Variants in DCP2 observed in about 807,000 individuals in gnomAD.
DCP2 encodes decapping mRNA 2.
A neutral mutation model predicts 56.1 loss-of-function variants in DCP2; 30 were observed. The observed-to-expected ratio is 0.53, with a 90% CI of 0.40 to 0.73. The LOEUF is 0.73. DCP2 is among the 30% of genes least tolerant of loss of function. DCP2 has a pLI of 0.00. For missense variants in DCP2, 533 were observed against 502.7 expected (o/e 1.06, Z -0.58); for synonymous variants, 197 against 163.3 (o/e 1.21, Z -1.57).
intron 2 of DCP2, 23 bp downstream of exon 2, chr5:112,986,009 G>T (rs1292525779): frequency 4.7e-6 from 7 of 1,495,676 alleles, no homozygotes; most frequent in South Asian, 1.4e-5. Flanking sequence ...TTACTATAAT[G>T]ACTGACTTTC....
At chr5:112,993,390 C>T (rs1241025589) in intron 4 of DCP2, among the ~76,000 whole-genome samples, 2 of 151,924 alleles carry the variant, frequency 1.3e-5, no homozygotes, top group Non-Finnish European at 1.5e-5. Flanking sequence ...TATGGGAGGC[C>T]GAGTCAGGCG....
At position 113,008,057 on chromosome 5, in the gene DCP2, T is replaced by TAAGTAGTGTGACCTACTTA. The variant is rs1201993269; in HGVS notation, c.1047+15_1047+16insAAGTAGTGTGACCTACTTA. On this transcript the variant is annotated intron_variant, in intron 9 of 10. Transcript: ENST00000389063. Reference sequence around the variant, plus strand: ...ATTCTTTGATGGTAAGAGTTATAGCTGTCACACTAAGTAGGCAGTTCATCC... The same window carrying TAAGTAGTGTGACCTACTTA: ...ATTCTTTGATGGTAAGAGTTATAGCTAAGTAGTGTGACCTACTTAGTCACACTAAGTAGGCAGTTCATCC... 1 of 1,602,332 alleles carries TAAGTAGTGTGACCTACTTA rather than the reference T, an allele frequency of 6.2e-7. No homozygotes were observed. The highest frequency in any genetic ancestry group is 1.7e-5 in the Admixed American group (1 of 59,606).
rs374450646 is a variant in DCP2 at position 112,992,923 on chromosome 5, GTTGA to G, written c.432+157_432+160del. Among the ~76,000 whole-genome samples the G allele has an allele frequency of 1.3e-3, 198 of 147,672 alleles. 1 individual carries two copies. Among genetic ancestry groups the G allele is most frequent in the African/African-American group, 4.8e-3 (192 of 39,996 alleles). ...TTACTTTTTTTTTTTTTAAATCACT[GTTGA>G]TTGTTTTATCCACATCTCTTTTCAT... is the stretch of plus-strand genomic sequence containing the variant. On this transcript the variant is annotated intron_variant, in intron 4 of 10. Transcript: ENST00000389063.
chr5:112,996,969 G>A (rs1205937736), intron 4 of DCP2, among the ~76,000 whole-genome samples: 1 of 152,206 alleles, frequency 6.6e-6, no homozygotes, highest in African/African-American at 2.4e-5. Flanking sequence ...AGACAGAAAA[G>A]AGCTGAGGAA....
chr5:113,010,377 T>A (rs1057317200), intron 9 of DCP2, among the ~76,000 whole-genome samples: 6 of 152,054 alleles, frequency 3.9e-5, no homozygotes, highest in African/African-American at 1.2e-4. Flanking sequence ...CCTGGCTGAT[T>A]TTTATGTTTT....
chr5:113,006,837 A>G (rs1749459874), intron 8 of DCP2, among the ~76,000 whole-genome samples: 1 of 152,206 alleles, frequency 6.6e-6, no homozygotes, highest in Non-Finnish European at 1.5e-5. Flanking sequence ...CCCACATTTT[A>G]AAACATAAAT....
At chr5:112,984,703 A>AAAATATATAT in intron 1 of DCP2, 6 of 64,856 alleles carry the variant, frequency 9.3e-5, no homozygotes, top group African/African-American at 4.7e-4. Flanking sequence ...AAAAAAAAAA[A>AAAATATATAT]ATATATATAT....
chr5:112,987,620 CTTT>C (rs562254738), intron 2 of DCP2, among the ~76,000 whole-genome samples: 1,354 of 69,752 alleles, frequency 0.019, 18 homozygotes, highest in African/African-American at 0.079. Context: ...ACCTAGGTGC[CTTT>C]TTTTTTTTTT....
At chr5:113,012,626 T>C (rs957832053) in intron 10 of DCP2, among the ~76,000 whole-genome samples, 1 of 152,128 alleles carries the variant, frequency 6.6e-6, no homozygotes, top group Non-Finnish European at 1.5e-5. Context: ...AATTTGGATT[T>C]TTCTTTTTTT....
At chr5:112,992,303 C>A (rs1484769359) in intron 3 of DCP2, 55 bp downstream of exon 3, 1 of 1,565,314 alleles carries the variant, frequency 6.4e-7, no homozygotes, top group Non-Finnish European at 8.6e-7. Context: ...AATCTGTTAA[C>A]AAAATTTGTT....
At chr5:112,999,516 C>T (rs1181472485) in intron 4 of DCP2, among the ~76,000 whole-genome samples, 6 of 151,938 alleles carry the variant, frequency 3.9e-5, no homozygotes, top group Admixed American at 6.5e-5. Flanking sequence ...TTAGTAGAGA[C>T]GGAGTTTCTC....
In DCP2 at chr5:113,004,041, T is replaced by C; in HGVS notation, c.906T>C (p.Asn302=). 1 of 1,614,104 alleles carries C rather than the reference T, an allele frequency of 6.2e-7. No individual in the cohort carries two copies. The highest frequency in any genetic ancestry group is 1.1e-5 in the South Asian group (1 of 91,072). The part of the protein sequence containing the change: ...HRQPLQQKPY[N]NHSEMSDLLK... ...AACCACTGCAGCAAAAGCCATATAA[T>C]AATCATTCTGAAATGTCTGACCTTT... Residue 302 remains asparagine (N), a synonymous_variant, in exon 8 of 11, where the codon AAT becomes AAC. Transcript: ENST00000389063.
intron 9 of DCP2, among the ~76,000 whole-genome samples, chr5:113,008,476 C>CTAAAT (rs3068845): frequency 6.6e-6 from 1 of 151,388 alleles, no homozygotes; most frequent in Non-Finnish European, 1.5e-5. Flanking sequence ...TGACAAATAA[C>CTAAAT]AAAGCAGTTT....
intron 1 of DCP2, among the ~76,000 whole-genome samples, chr5:112,979,986 G>A (rs976061726): frequency 1.3e-5 from 2 of 152,146 alleles, no homozygotes; most frequent in African/African-American, 4.8e-5. Context: ...GAGTGGAGTA[G>A]AATTAGAGGA....
At chr5:112,986,341 CTT>C (rs34825323) in intron 2 of DCP2, among the ~76,000 whole-genome samples, 7 of 144,520 alleles carry the variant, frequency 4.8e-5, no homozygotes, top group Admixed American at 1.4e-4. Context: ...AATTTTTTTT[CTT>C]TTTTTTTTTT....
intron 9 of DCP2, among the ~76,000 whole-genome samples, chr5:113,008,849 C>CTT (rs201529934): frequency 0.01 from 1,483 of 147,426 alleles, 2 homozygotes; most frequent in Non-Finnish European, 0.016. Context: ...AGACAGATAA[C>CTT]TTTTTTTTTT....
rs1749173150 is a variant in DCP2, at chr5:113,001,438, A to G, written c.667A>G (p.Asn223Asp). Residue 223 changes from asparagine (N) to aspartate (D), a missense_variant, in exon 6 of 11, where the codon AAC becomes GAC. Physicochemically the swap from Asn to Asp is conservative, Grantham distance 23. Around this residue, in one of 3 missense-constraint regions of DCP2, gnomAD observed 392 missense variants for 346.6 expected, o/e 1.13. Coordinates refer to ENST00000389063, the MANE Select transcript of DCP2 (RefSeq NM_152624.6). ...TPKSKLGLAP[N>D]KFFMAIPFIR... The stretch of plus-strand genomic sequence containing the variant: ...CAAATCCAAACTTGGTTTGGCACCT[A>G]ACAAATTTTTTATGGCCATTCCCTT... 1.2e-6 allele frequency: 2 copies of G among 1,613,934 alleles called. No homozygotes were observed. Among genetic ancestry groups the G allele is most frequent in the Non-Finnish European group, 1.7e-6 (2 of 1,179,942 alleles).
Position 112,990,257 on chromosome 5 carries a change from C to A in DCP2, c.206-1864C>A, listed in dbSNP as rs149450268. 5.0e-3 allele frequency among the ~76,000 whole-genome samples: 754 copies of A among 152,278 alleles called. 4 individuals are homozygous for A. Among genetic ancestry groups the A allele is most frequent in the Non-Finnish European group, 7.7e-3 (524 of 68,022 alleles). ...CACATCCTTTGAGTTAGCATCCTTT[C>A]TCTGCCACTTACTAGCTATGTATCC... On this transcript the variant is annotated intron_variant, in intron 2 of 10. Coordinates refer to ENST00000389063, the MANE Select transcript of DCP2 (RefSeq NM_152624.6).
intron 4 of DCP2, among the ~76,000 whole-genome samples, 165 bp from the exon 5 acceptor site, chr5:113,000,919 C>CT (rs1350598941): frequency 1.3e-5 from 2 of 152,130 alleles, no homozygotes; most frequent in African/African-American, 4.8e-5. Flanking sequence ...GGCACAAGAA[C>CT]TTTTTTTACA....
Sources: gnomAD v4.1 joint callset for allele counts (sites outside exome capture counted in the v4.1 genomes callset) on GRCh38, gnomAD v4.1.1 for gene constraint, gnomAD v4.1.1 regional missense constraint, MANE v1.5 for transcripts, NCBI Gene and HGNC (gene_info 2026-07-23, HGNC 2026-07-21) for gene names.